SPTB: variants seen among roughly 807,000 people sequenced by gnomAD.
SPTB encodes spectrin beta chain, erythrocytic.
SPTB carries 45 observed loss-of-function variants against 256.2 expected under a neutral mutation model. That is an observed-to-expected ratio of 0.18 (90% CI 0.14 to 0.23). The LOEUF (loss-of-function observed/expected upper bound fraction) is 0.23. Ranked by LOEUF, SPTB falls within the 10% of genes least tolerant of loss-of-function variation. SPTB has a pLI of 1.00. For missense variants in SPTB, 2,715 were observed against 3,040.4 expected (o/e 0.89, Z 2.52); for synonymous variants, 1,231 against 1,243.1 (o/e 0.99, Z 0.21).
intron 1 of SPTB, among the ~76,000 whole-genome samples, chr14:64,833,087 C>T (rs1288181915): frequency 6.6e-6 from 1 of 152,184 alleles, no homozygotes; most frequent in Admixed American, 6.5e-5. Flanking sequence ...CAATCCTTCC[C>T]CCCAGCTTCT....
chr14:64,874,773 A>C (rs1457813583), intron 1 of SPTB, among the ~76,000 whole-genome samples: 1 of 152,252 alleles, frequency 6.6e-6, no homozygotes, highest in African/African-American at 2.4e-5. Flanking sequence ...AAATATTTTC[A>C]AAGTATTCAT....
chr14:64,870,646 A>C (rs1250879784), intron 1 of SPTB, among the ~76,000 whole-genome samples: 1 of 152,256 alleles, frequency 6.6e-6, no homozygotes, highest in African/African-American at 2.4e-5. Flanking sequence ...TTTGGCCCCC[A>C]AAATGAGGAT....
At chr14:64,770,788 T>G in intron 27 of SPTB, 97 bp downstream of exon 27, 1 of 1,566,230 alleles carries the variant, frequency 6.4e-7, no homozygotes, top group Non-Finnish European at 8.8e-7. Context: ...AGTCCAGGAC[T>G]GTCCCTTCAC....
rs1314010180 is a variant in SPTB, at chr14:64,785,868, C to G, written c.3645G>C (p.Gly1215=). 1 of 1,614,140 alleles carries G rather than the reference C, an allele frequency of 6.2e-7. No homozygotes were observed. The highest frequency in any genetic ancestry group is 1.7e-5 in the Admixed American group (1 of 60,022). The stretch of plus-strand genomic sequence containing the variant: ...CCTTATCCCGGTTGTTCTCCATAGA[C>G]CCCAAGAAATCCTCAAACTTCCGGA... ...AGIRKFEDFL[G]SMENNRDKVL... is the part of the protein sequence containing the mutation. Residue 1215 remains glycine, a synonymous_variant, in exon 17 of 36, where the codon GGG becomes GGC. Transcript: ENST00000644917. The surrounding 1 kb of genome is among the most constrained non-coding windows in gnomAD (Gnocchi z 4.4).
chr14:64,828,791 T>C (rs2083409974), intron 1 of SPTB, among the ~76,000 whole-genome samples: 1 of 152,318 alleles, frequency 6.6e-6, no homozygotes, highest in Middle Eastern at 3.4e-3. Context: ...CATGAGGACT[T>C]TTGTAGAATA....
chr14:64,837,016 T>C (rs1166618728), intron 1 of SPTB, among the ~76,000 whole-genome samples: 1 of 152,194 alleles, frequency 6.6e-6, no homozygotes, highest in Non-Finnish European at 1.5e-5. Flanking sequence ...AAGGCAACTG[T>C]CTATTGCAGC....
intron 2 of SPTB, among the ~76,000 whole-genome samples, chr14:64,820,451 T>C (rs2139691247): frequency 6.6e-6 from 1 of 152,302 alleles, no homozygotes; most frequent in East Asian, 1.9e-4. Flanking sequence ...ACCACTTAGG[T>C]TGTTTGTTCT....
At chr14:64,791,900 C>T (rs1195255163) in intron 14 of SPTB, 44 bp from the exon 15 acceptor site, 20 of 1,612,646 alleles carry the variant, frequency 1.2e-5, no homozygotes, top group Non-Finnish European at 1.4e-5. Context: ...GAGGCGGCAG[C>T]AGACATTTCC....
Position 64,769,835 on chromosome 14 carries a change from G to C in SPTB, c.5799-107C>G, listed in dbSNP as rs77737177. 9.5e-4 allele frequency: 1,414 copies of C among 1,487,214 alleles called. 16 individuals are homozygous for C. The African/African-American group carries it at 0.016, about 16-fold the overall frequency. 92.1% of individuals were successfully genotyped at this position (1,487,214 alleles called of 1,614,324 possible). On this transcript the variant is annotated intron_variant, in intron 27 of 35. Transcript: ENST00000644917. ...TCCCCCTGCCTGTGGGAGTGTGACC[G>C]TGCTCCCTCCTCTCTCTCTGGCCAG...
At chr14:64,762,916 G>A (rs2082114755) in intron 32 of SPTB, among the ~76,000 whole-genome samples, 1 of 152,216 alleles carries the variant, frequency 6.6e-6, no homozygotes, top group African/African-American at 2.4e-5. Flanking sequence ...AAGGTGATTA[G>A]GAGCACCAAT....
At position 64,845,374 on chromosome 14, in the gene SPTB, T is replaced by A. The variant is rs1008569471; in HGVS notation, c.-51-22229A>T. On this transcript the variant is annotated intron_variant, in intron 1 of 35. Coordinates refer to ENST00000644917, the MANE Select transcript of SPTB (RefSeq NM_001355436.2). This position sits in a 1 kb window ranked among gnomAD's most constrained non-coding sequence, Gnocchi z 4.8. ...TCATGAATACAGAACAGATACTGGC[T>A]GTGTGGCACAAGTGGCTGTGTGCCT... Among the ~76,000 whole-genome samples, 2 of 152,250 alleles carry A rather than the reference T, an allele frequency of 1.3e-5. No homozygotes were observed. Among genetic ancestry groups the A allele is most frequent in the Admixed American group, 6.5e-5 (1 of 15,282 alleles).
In SPTB at chr14:64,765,821, AGTGT is replaced by A. The variant is rs780515740; in HGVS notation, c.6345+901_6345+904del. Among the ~76,000 whole-genome samples, 32 of 132,022 alleles carry A rather than the reference AGTGT, an allele frequency of 2.4e-4. 1 individual carries two copies. The highest frequency in any genetic ancestry group is 4.3e-4 in the East Asian group (2 of 4,638). The allele number at this position is 132,022 out of a possible 152,430, so 86.6% of individuals were successfully genotyped here. On this transcript the variant is annotated intron_variant, in intron 32 of 35. Coordinates refer to ENST00000644917, the MANE Select transcript of SPTB (RefSeq NM_001355436.2). ...AGTGATTGGGGTGTGTGTGTGTGTG[AGTGT>A]GTGTGTGTGTGGGGGTGTGGTGTGT...
chr14:64,749,654 C>T lies in SPTB; in HGVS notation c.6819G>A (p.Glu2273=). ...TCTGGGCTAGGCTGCCCGCGCTTAC[C>T]TCATCCTTGCCATGGAAGAGCCACT... The part of the protein sequence containing the change: ...GSEWLFHGKD[E]EEMLSWLQGV... The change falls in exon 35 of 36, where the codon GAG becomes GAA. Residue 2273 remains glutamate (E), a splice_region_variant and synonymous_variant. Coordinates refer to ENST00000644917, the MANE Select transcript of SPTB (RefSeq NM_001355436.2). This position sits in a 1 kb window ranked among gnomAD's most constrained non-coding sequence, Gnocchi z 4.7. The T allele has an allele frequency of 6.2e-7, 1 of 1,613,794 alleles. No individual in the cohort carries two copies. Among genetic ancestry groups the T allele is most frequent in the Non-Finnish European group, 8.5e-7 (1 of 1,179,950 alleles).
rs1007148660 is a variant in SPTB at position 64,784,543 on chromosome 14, G to A, written c.3856-150C>T. On this transcript the variant is annotated intron_variant, in intron 18 of 35. Transcript: ENST00000644917. The stretch of plus-strand genomic sequence containing the variant: ...CCCATCTGCAGTTCTGGATCCCTCT[G>A]TACCAGCACAGGCAACTTTACCCAT... 4 of 1,085,894 alleles carry A rather than the reference G, an allele frequency of 3.7e-6. No homozygotes were observed. In the African/African-American group the frequency reaches 6.2e-5, roughly 17 times the overall value. 67.3% of individuals were successfully genotyped at this position (1,085,894 alleles called of 1,614,324 possible).
Position 64,779,921 on chromosome 14 carries a change from T to A in SPTB, c.4277A>T (p.Asp1426Val), listed in dbSNP as rs754988940. 1 of 1,613,786 alleles carries A rather than the reference T, an allele frequency of 6.2e-7. No homozygotes were observed. The highest frequency in any genetic ancestry group is 1.1e-5 in the South Asian group (1 of 91,074). The change falls in exon 21 of 36, where the codon GAC (aspartate) becomes GTC (valine). Residue 1426 changes from aspartate to valine, a missense_variant. Asp to Val is a radical substitution (Grantham distance 152, BLOSUM62 -3). Coordinates refer to ENST00000644917, the MANE Select transcript of SPTB (RefSeq NM_001355436.2). This position sits in a 1 kb window ranked among gnomAD's most constrained non-coding sequence, Gnocchi z 4.2. ...CTCCTCTTTTCGCACATTCACTTGG[T>A]CCTCCACTCGCTGAGACACAAGGGG... ...RMLAKLKRVE[D>V]QVNVRKEELG... is the part of the protein sequence containing the mutation.
chr14:64,793,623 C>T lies in SPTB; in HGVS notation c.2040G>A (p.Lys680=). The T allele has an allele frequency of 6.2e-7, 1 of 1,614,192 alleles. No homozygotes were observed. The highest frequency in any genetic ancestry group is 8.5e-7 in the Non-Finnish European group (1 of 1,180,050). The change falls in exon 14 of 36, where the codon AAG becomes AAA. Residue 680 remains lysine, a synonymous_variant. Coordinates refer to ENST00000644917, the MANE Select transcript of SPTB (RefSeq NM_001355436.2). The surrounding 1 kb of genome is among the most constrained non-coding windows in gnomAD (Gnocchi z 7.0). The part of the protein sequence containing the change: ...TSVLILQRKH[K]AFEDELRGLD... The stretch of plus-strand genomic sequence containing the variant: ...GCCCACGGAGCTCATCCTCAAAGGC[C>T]TTGTGCTTGCGCTGTAAGATGAGCA...
In SPTB at chr14:64,764,506, T is replaced by C. The variant is rs2082137976; in HGVS notation, c.6345+2220A>G. On this transcript the variant is annotated intron_variant, in intron 32 of 35. Transcript: ENST00000644917. This position sits in a 1 kb window ranked among gnomAD's most constrained non-coding sequence, Gnocchi z 4.2. ...AGTGGCTGGCTCTCCGGAAAGGGTCTCAAATGTGGGCTCACTTCTTCCCCC... is the reference window on the plus strand; with the variant it reads ...AGTGGCTGGCTCTCCGGAAAGGGTCCCAAATGTGGGCTCACTTCTTCCCCC... Among the ~76,000 whole-genome samples the C allele has an allele frequency of 6.6e-6, 1 of 152,216 alleles. No homozygotes were observed.
intron 1 of SPTB, among the ~76,000 whole-genome samples, chr14:64,858,158 C>T (rs893988440): frequency 6.6e-6 from 1 of 152,174 alleles, no homozygotes; most frequent in South Asian, 2.1e-4. Flanking sequence ...GTCTCTGCCA[C>T]ACCACACAGC....
intron 33 of SPTB, chr14:64,752,200 G>T: frequency 7.4e-7 from 1 of 1,347,520 alleles, no homozygotes; most frequent in Non-Finnish European, 9.8e-7. Context: ...AGCCCGAGCC[G>T]CTTCACTCAC....
Sources: allele counts gnomAD v4.1 joint callset (sites outside exome capture counted in the v4.1 genomes callset), GRCh38; gene constraint gnomAD v4.1.1; non-coding constraint Gnocchi (gnomAD v3.1); transcripts MANE v1.5; gene names NCBI Gene and HGNC (gene_info 2026-07-23, HGNC 2026-07-21).